MYO16: variants seen among roughly 807,000 people sequenced by gnomAD.
MYO16 encodes myosin XVI.
MYO16 carries 94 observed loss-of-function variants against 205.3 expected under a neutral mutation model. The observed-to-expected ratio is 0.46, with a 90% CI of 0.39 to 0.54. The LOEUF (loss-of-function observed/expected upper bound fraction) is 0.54, where lower values mean the gene tolerates loss of function less well. MYO16 is among the 20% of genes least tolerant of loss of function. The pLI is 0.00. For synonymous variants in MYO16, 988 were observed against 954.0 expected (o/e 1.04, Z -0.66); for missense variants, 2,315 against 2,387.5 (o/e 0.97, Z 0.63).
chr13:108,773,123 A>G (rs1047714092), intron 4 of MYO16, among the ~76,000 whole-genome samples: 4 of 152,164 alleles, frequency 2.6e-5, no homozygotes, highest in Non-Finnish European at 5.9e-5. Context: ...GGTCTCTTTT[A>G]TAAAGGCACC....
At chr13:109,188,169 C>A (rs1292596927) in intron 34 of MYO16, among the ~76,000 whole-genome samples, 2 of 152,002 alleles carry the variant, frequency 1.3e-5, no homozygotes, top group East Asian at 1.9e-4. Flanking sequence ...TTATTTTGTT[C>A]ATTGTCTGCA....
At chr13:109,192,037 T>G (rs991083992) in intron 34 of MYO16, among the ~76,000 whole-genome samples, 1 of 152,224 alleles carries the variant, frequency 6.6e-6, no homozygotes, top group Non-Finnish European at 1.5e-5. Context: ...TAGAAGGATT[T>G]CCATTATGCT....
intron 18 of MYO16, 38 bp from the exon 19 acceptor site, chr13:108,962,386 A>G: frequency 6.5e-7 from 1 of 1,534,776 alleles, no homozygotes; most frequent in Non-Finnish European, 9.0e-7. Context: ...ATCAAAAAAT[A>G]TACTAACTTT....
At chr13:108,611,415 G>T (rs1879168848) in intron 1 of MYO16, among the ~76,000 whole-genome samples, 1 of 152,144 alleles carries the variant, frequency 6.6e-6, no homozygotes. Flanking sequence ...CATGTAGCCA[G>T]TATTGGATTC....
At chr13:108,821,096 A>G (rs1045389564) in intron 8 of MYO16, among the ~76,000 whole-genome samples, 26 of 152,076 alleles carry the variant, frequency 1.7e-4, no homozygotes, top group Non-Finnish European at 3.7e-4. Context: ...AAAATCTAGC[A>G]TAGGTAATAC....
intron 32 of MYO16, among the ~76,000 whole-genome samples, chr13:109,145,028 A>G (rs28571247): frequency 0.13 from 19,449 of 152,302 alleles, 1,302 homozygotes; most frequent in South Asian, 0.22. Flanking sequence ...AAAACCATGC[A>G]GATTCTAAGA....
At position 109,092,160 on chromosome 13, in the gene MYO16, G is replaced by A. The variant is rs114712060; in HGVS notation, c.3336-8625G>A. Among the ~76,000 whole-genome samples the A allele has an allele frequency of 2.6e-3, 395 of 152,200 alleles. 5 individuals carry two copies. The highest frequency in any genetic ancestry group is 9.1e-3 in the African/African-American group (378 of 41,530). On this transcript the variant is annotated intron_variant, in intron 27 of 34. Transcript: ENST00000457511. ...ACAAAATTTTCCTTGAGAATGAAGC[G>A]GTAAAGCCAATATTTAACAAACAAA... is the stretch of plus-strand genomic sequence containing the variant.
the MYO16 span, among the ~76,000 whole-genome samples, chr13:108,510,450 C>T: frequency 1.3e-5 from 1 of 79,394 alleles, no homozygotes; most frequent in East Asian, 4.8e-4. Flanking sequence ...TTATATTTAA[C>T]ATTGATAGCT....
chr13:108,594,641 G>C (rs145180780), upstream of MYO16, among the ~76,000 whole-genome samples: 1 of 152,096 alleles, frequency 6.6e-6, no homozygotes, highest in African/African-American at 2.4e-5. Flanking sequence ...GCGGCACTTC[G>C]GTGCTGGATA....
intron 14 of MYO16, among the ~76,000 whole-genome samples, chr13:108,893,044 G>C (rs1214752403): frequency 6.6e-6 from 1 of 152,152 alleles, no homozygotes; most frequent in Non-Finnish European, 1.5e-5. Flanking sequence ...ATGACTTCTA[G>C]TCTCATGAAA....
chr13:109,099,761 A>C (rs1231578779), intron 27 of MYO16, among the ~76,000 whole-genome samples: 5 of 152,172 alleles, frequency 3.3e-5, no homozygotes, highest in Admixed American at 6.5e-5. Flanking sequence ...GACATGTCCC[A>C]TACTCCCACT....
chr13:108,716,995 G>A lies in MYO16; in HGVS notation c.363+4264G>A, dbSNP rs564692252. Among the ~76,000 whole-genome samples the A allele has an allele frequency of 3.9e-5, 6 of 152,050 alleles. No individual in the cohort carries two copies. The South Asian group carries it at 1.2e-3, about 32-fold the overall frequency. Reference sequence around the variant, plus strand: ...TCTGACAGACAGAAGGGGAATAATTGCAAAAAGTAACAATGTCTGTATCCC... The same window carrying A: ...TCTGACAGACAGAAGGGGAATAATTACAAAAAGTAACAATGTCTGTATCCC... On this transcript the variant is annotated intron_variant, in intron 3 of 34. Coordinates refer to ENST00000457511, the MANE Select transcript of MYO16 (RefSeq NM_001198950.3).
At chr13:108,770,205 T>C (rs995890106) in intron 4 of MYO16, among the ~76,000 whole-genome samples, 2 of 152,170 alleles carry the variant, frequency 1.3e-5, no homozygotes, top group African/African-American at 4.8e-5. Flanking sequence ...TAAATGAATA[T>C]GCATTGAATG....
At chr13:108,767,334 C>T (rs762224348) in intron 4 of MYO16, among the ~76,000 whole-genome samples, 3 of 152,154 alleles carry the variant, frequency 2.0e-5, no homozygotes, top group Non-Finnish European at 4.4e-5. Context: ...GATCTCCTGA[C>T]CTCGTGATCC....
At chr13:108,775,207 G>T (rs570176496) in intron 4 of MYO16, among the ~76,000 whole-genome samples, 57 of 152,174 alleles carry the variant, frequency 3.7e-4, no homozygotes, top group Non-Finnish European at 7.6e-4. Context: ...ATTTACTCAA[G>T]GAATCAATAT....
intron 31 of MYO16, among the ~76,000 whole-genome samples, chr13:109,130,002 TTAAAA>T (rs1876451982): frequency 6.9e-6 from 1 of 144,300 alleles, no homozygotes; most frequent in African/African-American, 2.6e-5. Flanking sequence ...AAAAAGTCAA[TTAAAA>T]TAAAAGTTAG....
chr13:108,755,583 TA>T (rs1566588898), intron 4 of MYO16, among the ~76,000 whole-genome samples: 2 of 151,794 alleles, frequency 1.3e-5, no homozygotes, highest in African/African-American at 4.8e-5. Flanking sequence ...GCATAGATCC[TA>T]AAAAATATAA....
chr13:108,670,420 G>T (rs1327441891), intron 2 of MYO16, among the ~76,000 whole-genome samples: 4 of 152,148 alleles, frequency 2.6e-5, no homozygotes, highest in Admixed American at 2.6e-4. Context: ...GAGAACTTCT[G>T]ATCTAGAGAA....
intron 31 of MYO16, among the ~76,000 whole-genome samples, chr13:109,132,008 A>T (rs1000750452): frequency 6.6e-6 from 1 of 152,204 alleles, no homozygotes; most frequent in African/African-American, 2.4e-5. Context: ...AGGACTGTAA[A>T]GCCTCATTGC....
Sources: allele counts gnomAD v4.1 joint callset (sites outside exome capture counted in the v4.1 genomes callset), GRCh38; gene constraint gnomAD v4.1.1; transcripts MANE v1.5; gene names NCBI Gene and HGNC (gene_info 2026-07-23, HGNC 2026-07-21).